PLGRKT: variants seen among roughly 807,000 people sequenced by gnomAD.
PLGRKT encodes the protein plasminogen receptor with a C-terminal lysine, also known as plasminogen receptor (KT).
PLGRKT carries 22 observed loss-of-function variants against 18.5 expected under a neutral mutation model. The observed-to-expected ratio is 1.19, with a 90% confidence interval of 0.85 to 1.70. The LOEUF is 1.70. Ranked by LOEUF, PLGRKT falls within the 40% of genes most tolerant of loss-of-function variation. The pLI, the probability that PLGRKT is intolerant of heterozygous loss-of-function variation, is 0.00. For synonymous variants in PLGRKT, 72 were observed against 52.8 expected (o/e 1.36, Z -1.58); for missense variants, 235 against 174.4 (o/e 1.35, Z -1.96).
intron 3 of PLGRKT, among the ~76,000 whole-genome samples, chr9:5,402,149 A>C (rs1818167158): frequency 6.6e-6 from 1 of 151,974 alleles, no homozygotes; most frequent in African/African-American, 2.4e-5. Context: ...GTTTCTGTTA[A>C]ATTTTAGAAA....
chr9:5,379,138 T>C (rs1247303573), intron 3 of PLGRKT, among the ~76,000 whole-genome samples: 4 of 152,174 alleles, frequency 2.6e-5, no homozygotes, highest in Admixed American at 1.3e-4. Flanking sequence ...AATGGTTGAA[T>C]ATATAATCAA....
chr9:5,367,198 C>G lies in PLGRKT; in HGVS notation c.82-5310G>C, dbSNP rs191895720. Among the ~76,000 whole-genome samples, 3 of 152,116 alleles carry G rather than the reference C, an allele frequency of 2.0e-5. No individual in the cohort carries two copies. In the South Asian group the frequency reaches 6.2e-4, roughly 32 times the overall value. On this transcript the variant is annotated intron_variant, in intron 3 of 5. Transcript: ENST00000223864. ...GTAAAATACAGATTAAGTGCTATTCCTATCAAACTACCAACATCATTCTTC... is the reference window on the plus strand; with the variant it reads ...GTAAAATACAGATTAAGTGCTATTCGTATCAAACTACCAACATCATTCTTC...
At chr9:5,401,559 A>C (rs894495825) in intron 3 of PLGRKT, among the ~76,000 whole-genome samples, 1 of 151,972 alleles carries the variant, frequency 6.6e-6, no homozygotes, top group African/African-American at 2.4e-5. Flanking sequence ...ATGAACAGGA[A>C]GACTTTGTGT....
intron 3 of PLGRKT, among the ~76,000 whole-genome samples, chr9:5,364,356 G>A (rs1817335955): frequency 6.6e-6 from 1 of 152,122 alleles, no homozygotes; most frequent in Non-Finnish European, 1.5e-5. Context: ...GATTACCTGG[G>A]AACTCTCAAA....
chr9:5,392,947 T>C (rs1817977460), intron 3 of PLGRKT, among the ~76,000 whole-genome samples: 1 of 151,794 alleles, frequency 6.6e-6, no homozygotes, highest in South Asian at 2.1e-4. Context: ...GTTCAAGTGA[T>C]TCTCCTGCCT....
At position 5,361,851 on chromosome 9, in the gene PLGRKT, T is replaced by A. The variant is rs776950198; in HGVS notation, c.119A>T (p.Glu40Val). Residue 40 changes from glutamate (E) to valine (V), a missense_variant, in exon 4 of 6, where the codon GAA becomes GTA. Physicochemically the swap from Glu to Val is moderately radical, Grantham distance 121. Transcript: ENST00000223864. Reference sequence around the variant, plus strand: ...CGCAATCTGCATGGCCATTTGTCTTTCCCTCATTTCACTCTGCATGATGAG... The same window carrying A: ...CGCAATCTGCATGGCCATTTGTCTTACCCTCATTTCACTCTGCATGATGAG... ...RQLIMQSEMR[E>V]RQMAMQIAWS... 1 of 1,613,200 alleles carries A rather than the reference T, an allele frequency of 6.2e-7. No individual in the cohort carries two copies. Among genetic ancestry groups the A allele is most frequent in the Non-Finnish European group, 8.5e-7 (1 of 1,179,532 alleles).
chr9:5,430,931 C>A (rs570307585), intron 3 of PLGRKT, among the ~76,000 whole-genome samples: 1 of 152,222 alleles, frequency 6.6e-6, no homozygotes, highest in Admixed American at 6.5e-5. Context: ...TATCCAGCCA[C>A]GTCTAAATCC....
chr9:5,379,031 A>T (rs1817685666), intron 3 of PLGRKT, among the ~76,000 whole-genome samples: 1 of 152,176 alleles, frequency 6.6e-6, no homozygotes, highest in African/African-American at 2.4e-5. Context: ...AAAAGTATAA[A>T]TAAATACAAC....
Position 5,418,559 on chromosome 9 carries a change from G to A in PLGRKT, c.81+13338C>T. 1.2e-6 allele frequency: 1 copy of A among 813,766 alleles called. No individual in the cohort carries two copies. The highest frequency in any genetic ancestry group is 1.3e-5 in the South Asian group (1 of 75,204). 50.4% of individuals were successfully genotyped at this position (813,766 alleles called of 1,614,324 possible). A position where few individuals can be genotyped will look rare whatever the true frequency, so the allele number is the denominator to read the frequency against. Reference sequence around the variant, plus strand: ...CCCTGGGGAGCCCTGCCTTGCAGAGGCTGCTGTCCAGCAGGGATGGTCACC... The same window carrying A: ...CCCTGGGGAGCCCTGCCTTGCAGAGACTGCTGTCCAGCAGGGATGGTCACC... On this transcript the variant is annotated intron_variant, in intron 3 of 5. Coordinates refer to ENST00000223864, the MANE Select transcript of PLGRKT (RefSeq NM_018465.4). This position sits in a 1 kb window ranked among gnomAD's most constrained non-coding sequence, Gnocchi z 4.2.
intron 3 of PLGRKT, among the ~76,000 whole-genome samples, chr9:5,421,662 T>C (rs1323016366): frequency 6.6e-6 from 1 of 152,216 alleles, no homozygotes; most frequent in Non-Finnish European, 1.5e-5. Flanking sequence ...GCAGATGCTG[T>C]GTGCTAAATT....
intron 3 of PLGRKT, among the ~76,000 whole-genome samples, chr9:5,394,982 T>C (rs1563777762): frequency 6.6e-6 from 1 of 151,806 alleles, no homozygotes; most frequent in Non-Finnish European, 1.5e-5. Flanking sequence ...GCAGCAAGGC[T>C]ACCCAAGCTA....
intron 4 of PLGRKT, 143 bp downstream of exon 4, chr9:5,361,615 C>G (rs571290637): frequency 4.0e-5 from 28 of 706,350 alleles, no homozygotes; most frequent in Non-Finnish European, 6.1e-5. Context: ...AGAGTTACCC[C>G]CAAGGACTAA....
At chr9:5,388,361 A>C (rs1163251899) in intron 3 of PLGRKT, among the ~76,000 whole-genome samples, 1 of 151,982 alleles carries the variant, frequency 6.6e-6, no homozygotes, top group East Asian at 1.9e-4. Context: ...GAGCACTGAG[A>C]TATCGCAAGC....
At chr9:5,375,412 G>C (rs1817608845) in intron 3 of PLGRKT, among the ~76,000 whole-genome samples, 1 of 152,154 alleles carries the variant, frequency 6.6e-6, no homozygotes, top group African/African-American at 2.4e-5. Context: ...CTGGTTTTCA[G>C]TTTGGGGGAA....
intron 3 of PLGRKT, among the ~76,000 whole-genome samples, chr9:5,419,920 A>C (rs1030710194): frequency 6.6e-6 from 1 of 152,228 alleles, no homozygotes; most frequent in Non-Finnish European, 1.5e-5. Context: ...AAACTGGTAT[A>C]AGAATGTTCA....
At chr9:5,361,256 AG>A (rs1817259185) in intron 4 of PLGRKT, 69 bp from the exon 5 acceptor site, 2 of 831,320 alleles carry the variant, frequency 2.4e-6, no homozygotes, top group South Asian at 1.6e-5. Context: ...GTATACTTAA[AG>A]AAAAAAAAAT....
At chr9:5,399,329 T>C (rs1035025009) in intron 3 of PLGRKT, among the ~76,000 whole-genome samples, 7 of 151,926 alleles carry the variant, frequency 4.6e-5, no homozygotes, top group Admixed American at 4.6e-4. Context: ...CTACAGTAGT[T>C]TCCCCCCTGA....
intron 3 of PLGRKT, among the ~76,000 whole-genome samples, chr9:5,414,964 G>A (rs953961660): frequency 1.3e-5 from 2 of 152,198 alleles, no homozygotes; most frequent in African/African-American, 4.8e-5. Flanking sequence ...GTGTGTCTAT[G>A]CATGGGTTCA....
At chr9:5,381,862 C>A in intron 3 of PLGRKT, 1 of 983,086 alleles carries the variant, frequency 1.0e-6, no homozygotes, top group Non-Finnish European at 1.2e-6. Flanking sequence ...AACTAACATA[C>A]CTTCCTCACA....
Sources: allele counts gnomAD v4.1 joint callset (sites outside exome capture counted in the v4.1 genomes callset), GRCh38; gene constraint gnomAD v4.1.1; non-coding constraint Gnocchi (gnomAD v3.1); transcripts MANE v1.5; gene names NCBI Gene and HGNC (gene_info 2026-07-23, HGNC 2026-07-21).